The following CDH13 variants were observed in gnomAD, a reference collection of about 807,000 sequenced individuals.
The protein encoded by CDH13 is cadherin-13.
A neutral mutation model predicts 63.8 loss-of-function variants in CDH13; 24 were observed. The observed-to-expected ratio is 0.38, with a 90% CI of 0.27 to 0.53. The LOEUF is 0.53. CDH13 is among the 20% of genes least tolerant of loss of function. The pLI, the probability that CDH13 is intolerant of heterozygous loss-of-function variation, is 0.85. For synonymous variants in CDH13, 503 were observed against 355.3 expected (o/e 1.42, Z -4.67); for missense variants, 1,049 against 903.1 (o/e 1.16, Z -2.07).
intron 1 of CDH13, among the ~76,000 whole-genome samples, chr16:82,692,754 G>A (rs770166596): frequency 4.6e-5 from 7 of 152,284 alleles, no homozygotes; most frequent in Non-Finnish European, 1.0e-4. Flanking sequence ...CCTAGTTTCC[G>A]TGGAGCTGTG....
intron 10 of CDH13, among the ~76,000 whole-genome samples, chr16:83,746,501 T>C (rs1425243641): frequency 6.6e-6 from 1 of 152,088 alleles, no homozygotes; most frequent in African/African-American, 2.4e-5. Flanking sequence ...CATTCCCAAG[T>C]TCCAGGATTA....
intron 5 of CDH13, among the ~76,000 whole-genome samples, chr16:83,316,163 C>G (rs2090100491): frequency 6.6e-6 from 1 of 152,104 alleles, no homozygotes; most frequent in Admixed American, 6.5e-5. Flanking sequence ...CACTGACTAT[C>G]ACAAGAAGAG....
intron 3 of CDH13, among the ~76,000 whole-genome samples, chr16:83,064,027 G>A (rs2031799207): frequency 6.6e-6 from 1 of 152,148 alleles, no homozygotes; most frequent in Non-Finnish European, 1.5e-5. Context: ...ATGAGTGTAT[G>A]AGTCTCACAT....
rs1239169050 is a variant in CDH13 at position 82,842,112 on chromosome 16, G to GTATA, written c.46-16227_46-16224dup. ...TCTACATATATATATATATATATAT[G>GTATA]TATATATATATATATATATATATAT... is the stretch of plus-strand genomic sequence containing the variant. On this transcript the variant is annotated intron_variant, in intron 1 of 13. Transcript: ENST00000567109. Among the ~76,000 whole-genome samples, 383 of 58,886 alleles carry GTATA rather than the reference G, an allele frequency of 6.5e-3. 5 individuals carry two copies. Among genetic ancestry groups the GTATA allele is most frequent in the African/African-American group, 0.024 (353 of 14,650 alleles). The allele number at this position is 58,886 out of a possible 152,430, so 38.6% of individuals were successfully genotyped here.
At chr16:83,037,673 A>G (rs1052071403) in intron 3 of CDH13, among the ~76,000 whole-genome samples, 12 of 152,162 alleles carry the variant, frequency 7.9e-5, no homozygotes, top group African/African-American at 2.7e-4. Context: ...CCAGGAGTCA[A>G]TGGACAATGT....
rs988914166 is a variant in CDH13 at position 83,048,808 on chromosome 16, C to T, written c.366+16590C>T. 2.6e-5 allele frequency among the ~76,000 whole-genome samples: 4 copies of T among 152,164 alleles called. No individual in the cohort carries two copies. The East Asian group carries it at 7.7e-4, about 29-fold the overall frequency. On this transcript the variant is annotated intron_variant, in intron 3 of 13. Transcript: ENST00000567109. ...TTTCCCTCCTCTGTGAATCCTCCCC[C>T]AGCCTCCAAACGTGGTCAAATCTTC...
chr16:83,030,344 T>C (rs1045987012), intron 2 of CDH13, among the ~76,000 whole-genome samples: 3 of 152,148 alleles, frequency 2.0e-5, no homozygotes, highest in Non-Finnish European at 2.9e-5. Context: ...ATCATTGTAT[T>C]GGGTCCTCTG....
At chr16:83,493,043 T>C (rs2074052153) in intron 7 of CDH13, among the ~76,000 whole-genome samples, 1 of 151,820 alleles carries the variant, frequency 6.6e-6, no homozygotes, top group African/African-American at 2.4e-5. Flanking sequence ...TTTTGTTTGT[T>C]TGTCAGTTGT....
chr16:82,881,140 G>A (rs1223774915), intron 2 of CDH13, among the ~76,000 whole-genome samples: 1 of 152,098 alleles, frequency 6.6e-6, no homozygotes, highest in Admixed American at 6.5e-5. Context: ...AAGGCATATA[G>A]CAAAGGGTGA....
chr16:83,533,471 T>G (rs889274559), intron 7 of CDH13, among the ~76,000 whole-genome samples: 1 of 152,046 alleles, frequency 6.6e-6, no homozygotes, highest in Admixed American at 6.5e-5. Flanking sequence ...GTCGGATCTG[T>G]GTAGGTAGAG....
intron 1 of CDH13, among the ~76,000 whole-genome samples, chr16:82,664,986 G>T (rs543530312): frequency 2.2e-4 from 34 of 152,238 alleles, no homozygotes; most frequent in African/African-American, 8.2e-4. Context: ...TCAGTAAAAT[G>T]TATCTGTAGC....
chr16:83,461,051 A>C (rs1305289570), intron 6 of CDH13, among the ~76,000 whole-genome samples: 1 of 151,410 alleles, frequency 6.6e-6, no homozygotes, highest in Non-Finnish European at 1.5e-5. Flanking sequence ...CCATTTTCCT[A>C]AGAGGAAAGG....
intron 5 of CDH13, among the ~76,000 whole-genome samples, chr16:83,321,749 C>A (rs902452033): frequency 6.6e-5 from 10 of 151,996 alleles, no homozygotes; most frequent in Non-Finnish European, 1.3e-4. Flanking sequence ...AGGATGGTCT[C>A]GATCTCCTGA....
chr16:83,002,076 C>G (rs1267930017), intron 2 of CDH13, among the ~76,000 whole-genome samples: 2 of 152,190 alleles, frequency 1.3e-5, no homozygotes, highest in Non-Finnish European at 2.9e-5. Flanking sequence ...ACTGAAGATA[C>G]AACAGTGGAT....
At chr16:83,722,788 T>C (rs968610574) in intron 10 of CDH13, among the ~76,000 whole-genome samples, 3 of 152,192 alleles carry the variant, frequency 2.0e-5, no homozygotes, top group Non-Finnish European at 2.9e-5. Flanking sequence ...TGGATTTCAA[T>C]GTCATCTTAC....
chr16:82,985,178 AT>A (rs1213469636), intron 2 of CDH13, among the ~76,000 whole-genome samples: 2 of 151,994 alleles, frequency 1.3e-5, no homozygotes, highest in African/African-American at 4.8e-5. Context: ...ATCCTAATGT[AT>A]TTTGACTTCT....
intron 1 of CDH13, among the ~76,000 whole-genome samples, chr16:82,745,608 A>C (rs2034126981): frequency 6.6e-6 from 1 of 152,140 alleles, no homozygotes; most frequent in Non-Finnish European, 1.5e-5. Context: ...TGTCTCAAAA[A>C]AAAGTCTTAC....
chr16:83,028,789 T>C (rs1916047093), intron 2 of CDH13, among the ~76,000 whole-genome samples: 1 of 152,220 alleles, frequency 6.6e-6, no homozygotes, highest in Non-Finnish European at 1.5e-5. Context: ...TTTTCAGACC[T>C]GTGTTGACCA....
chr16:83,381,104 G>A (rs1187130150), intron 6 of CDH13, among the ~76,000 whole-genome samples: 1 of 152,076 alleles, frequency 6.6e-6, no homozygotes, highest in Non-Finnish European at 1.5e-5. Context: ...AACATGCTAA[G>A]TACTTCATGC....
Sources: gnomAD v4.1 joint callset for allele counts (sites outside exome capture counted in the v4.1 genomes callset) on GRCh38, gnomAD v4.1.1 for gene constraint, MANE v1.5 for transcripts, NCBI Gene and HGNC (gene_info 2026-07-23, HGNC 2026-07-21) for gene names.